CCDC187: variants seen among roughly 807,000 people sequenced by gnomAD.
The protein encoded by CCDC187 is coiled-coil domain containing 187.
Under a neutral mutation model 38.0 loss-of-function variants are expected in CCDC187, and 32 were observed. The ratio of observed to expected loss-of-function variants is 0.84; its 90% CI spans 0.64 to 1.13. The LOEUF is 1.13. Ranked by LOEUF, CCDC187 falls within the 50% of genes most tolerant of loss-of-function variation. The pLI is 0.00. For missense variants in CCDC187, 707 were observed against 786.8 expected (o/e 0.90, Z 1.21); for synonymous variants, 333 against 347.9 (o/e 0.96, Z 0.48).
chr9:136,297,550 C>T (rs1374481670), intron 4 of CCDC187, among the ~76,000 whole-genome samples, 164 bp downstream of exon 4: 1 of 152,114 alleles, frequency 6.6e-6, no homozygotes, highest in East Asian at 1.9e-4. Flanking sequence ...CCCTGACGCT[C>T]CAGCCGGGCC....
chr9:136,278,390 G>A (rs1830974254), intron 10 of CCDC187, among the ~76,000 whole-genome samples: 1 of 152,176 alleles, frequency 6.6e-6, no homozygotes, highest in African/African-American at 2.4e-5. Flanking sequence ...TTGTTCCTGA[G>A]CTCTGAGCTG....
At chr9:136,288,801 C>T (rs996920856) in intron 7 of CCDC187, among the ~76,000 whole-genome samples, 3 of 152,350 alleles carry the variant, frequency 2.0e-5, no homozygotes, top group South Asian at 2.1e-4. Context: ...TAAAAGTAAG[C>T]GCTGTGAGGA....
At chr9:136,297,879 C>A (rs964990530) in intron 3 of CCDC187, 58 bp from the exon 4 acceptor site, 25 of 395,888 alleles carry the variant, frequency 6.3e-5, no homozygotes, top group African/African-American at 4.9e-4. Flanking sequence ...AAGTGACACA[C>A]GGGCCCCCCA....
At chr9:136,288,665 C>A (rs2131294652) in intron 7 of CCDC187, among the ~76,000 whole-genome samples, 1 of 152,344 alleles carries the variant, frequency 6.6e-6, no homozygotes, top group African/African-American at 2.4e-5. Flanking sequence ...AGGCGCAACT[C>A]CCCCAAGCAA....
intron 4 of CCDC187, among the ~76,000 whole-genome samples, chr9:136,292,770 G>A (rs919748288): frequency 1.9e-4 from 29 of 152,328 alleles, no homozygotes; most frequent in Non-Finnish European, 2.9e-4. Flanking sequence ...CTGGCCACGT[G>A]TGCCGAGCCA....
chr9:136,300,539 G>A (rs906117337), intron 2 of CCDC187, among the ~76,000 whole-genome samples: 80 of 152,094 alleles, frequency 5.3e-4, no homozygotes, highest in African/African-American at 1.2e-3. Flanking sequence ...TCAGCCTCCC[G>A]AGTAGTTGGG....
Position 136,267,376 on chromosome 9 carries a change from G to A in CCDC187, c.3647+8C>T. The A allele has an allele frequency of 1.0e-6, 1 of 985,346 alleles. No individual in the cohort carries two copies. Among genetic ancestry groups the A allele is most frequent in the Non-Finnish European group, 1.2e-6 (1 of 830,034 alleles). 61.0% of individuals were successfully genotyped at this position (985,346 alleles called of 1,614,324 possible). ...GGGGCGGGGCCGGCGCCAGGCGCAT[G>A]CGCTCACCCTCGTCGATGCTCCAGC... On this transcript the variant is annotated splice_region_variant and intron_variant, in intron 16 of 25. Transcript: ENST00000638797.
Position 136,262,974 on chromosome 9 carries a change from G to T in CCDC187, c.3913-512C>A, listed in dbSNP as rs143384263. Reference sequence around the variant, plus strand: ...GGAGCCTCCCTCCAAGGATGCAGCTGCTGCTTGGGGTCCCTGAGGGGCTGG... The same window carrying T: ...GGAGCCTCCCTCCAAGGATGCAGCTTCTGCTTGGGGTCCCTGAGGGGCTGG... On this transcript the variant is annotated intron_variant, in intron 18 of 25. Transcript: ENST00000638797. Among the ~76,000 whole-genome samples the T allele has an allele frequency of 6.5e-3, 992 of 152,198 alleles. 15 individuals are homozygous for T. The highest frequency in any genetic ancestry group is 0.022 in the African/African-American group (932 of 41,498).
rs1830635298 is a variant in CCDC187, at chr9:136,258,054, G to A, written c.4366+878C>T. Among the ~76,000 whole-genome samples, 1 of 152,186 alleles carries A rather than the reference G, an allele frequency of 6.6e-6. No individual in the cohort carries two copies. Among genetic ancestry groups the A allele is most frequent in the Non-Finnish European group, 1.5e-5 (1 of 68,032 alleles). On this transcript the variant is annotated intron_variant, in intron 22 of 25. Transcript: ENST00000638797. The surrounding 1 kb of genome is among the most constrained non-coding windows in gnomAD (Gnocchi z 4.3). The stretch of plus-strand genomic sequence containing the variant: ...GGTGACAGCTGGTACACGTGGCCAT[G>A]CGGCGAGGGAGGCTTCAGGCTGAGC...
Position 136,258,428 on chromosome 9 carries a change from G to A in CCDC187, c.4366+504C>T, listed in dbSNP as rs1830640801. Among the ~76,000 whole-genome samples the A allele has an allele frequency of 6.6e-6, 1 of 152,066 alleles. No individual in the cohort carries two copies. The highest frequency in any genetic ancestry group is 1.5e-5 in the Non-Finnish European group (1 of 68,000). On this transcript the variant is annotated intron_variant, in intron 22 of 25. Coordinates refer to ENST00000638797, the MANE Select transcript of CCDC187 (RefSeq NM_001378188.1). This position sits in a 1 kb window ranked among gnomAD's most constrained non-coding sequence, Gnocchi z 4.3. ...AGGGAGCTCCGAGGTGGCATCGCAGGGCACACAACCCCCCACTCTTCAGCC... is the reference window on the plus strand; with the variant it reads ...AGGGAGCTCCGAGGTGGCATCGCAGAGCACACAACCCCCCACTCTTCAGCC...
chr9:136,254,186 G>A lies in CCDC187; in HGVS notation c.5642C>T (p.Ala1881Val). The A allele has an allele frequency of 1.0e-6, 1 of 985,480 alleles. No individual in the cohort carries two copies. Among genetic ancestry groups the A allele is most frequent in the Non-Finnish European group, 1.2e-6 (1 of 829,986 alleles). The allele number at this position is 985,480 out of a possible 1,614,324, so 61.0% of individuals were successfully genotyped here. Residue 1881 changes from alanine to valine, a missense_variant, in exon 26 of 26, where the codon GCC (alanine) becomes GTC (valine). By Grantham distance (64) the Ala-to-Val change is moderately conservative. Coordinates refer to ENST00000638797, the MANE Select transcript of CCDC187 (RefSeq NM_001378188.1). Reference protein sequence around the residue: ...GVVFPLQISSAGDSDSLLVFP... With the variant: ...GVVFPLQISSVGDSDSLLVFP... Reference sequence around the variant, plus strand: ...GACCAGCAGTGAGTCCGAGTCACCGGCAGAAGAGATTTGCAGCGGGAACAC... The same window carrying A: ...GACCAGCAGTGAGTCCGAGTCACCGACAGAAGAGATTTGCAGCGGGAACAC...
rs939762677 is a variant in CCDC187, at chr9:136,278,708, C to T, written c.3041-1981G>A. On this transcript the variant is annotated intron_variant, in intron 10 of 25. Coordinates refer to ENST00000638797, the MANE Select transcript of CCDC187 (RefSeq NM_001378188.1). Reference sequence around the variant, plus strand: ...AAACCAGAATGAGGCTGACAGGACCCTTACCCTCAGTGGGGGCTGTGGAGT... The same window carrying T: ...AAACCAGAATGAGGCTGACAGGACCTTTACCCTCAGTGGGGGCTGTGGAGT... Among the ~76,000 whole-genome samples the T allele has an allele frequency of 1.6e-3, 241 of 152,368 alleles. 2 individuals carry two copies. Among genetic ancestry groups the T allele is most frequent in the African/African-American group, 5.5e-3 (229 of 41,580 alleles).
intron 9 of CCDC187, 73 bp downstream of exon 9, chr9:136,285,440 T>TGGGCAGGTGGGCAGGC (rs1831154287): frequency 5.7e-4 from 18 of 31,492 alleles, no homozygotes; most frequent in Admixed American, 2.0e-3. Flanking sequence ...GGTGGGCAGG[T>TGGGCAGGTGGGCAGGC]GGGCAGGTGG....
In CCDC187 at chr9:136,268,076, G is replaced by A. The variant is rs1830780677; in HGVS notation, c.3492C>T (p.Phe1164=). The change falls in exon 15 of 26, where the codon TTC becomes TTT. Residue 1164 remains phenylalanine (F), a synonymous_variant. Coordinates refer to ENST00000638797, the MANE Select transcript of CCDC187 (RefSeq NM_001378188.1). ...GALSQLPLAK[F]FPPDNPTHQM... is the part of the protein sequence containing the mutation. ...GGTGGGTGGGGTTGTCCGGAGGGAAGAACTTGGCCAGGGGAAGCTGGGAGA... is the reference window on the plus strand; with the variant it reads ...GGTGGGTGGGGTTGTCCGGAGGGAAAAACTTGGCCAGGGGAAGCTGGGAGA... The A allele has an allele frequency of 1.0e-6, 1 of 985,452 alleles. No individual in the cohort carries two copies. Among genetic ancestry groups the A allele is most frequent in the Non-Finnish European group, 1.2e-6 (1 of 830,014 alleles). The allele number at this position is 985,452 out of a possible 1,614,324, so 61.0% of individuals were successfully genotyped here.
intron 4 of CCDC187, among the ~76,000 whole-genome samples, chr9:136,293,353 A>G (rs1221927575): frequency 6.8e-6 from 1 of 147,574 alleles, no homozygotes; most frequent in African/African-American, 2.5e-5. Flanking sequence ...TCACATGCTC[A>G]CACACATTCA....
intron 2 of CCDC187, among the ~76,000 whole-genome samples, chr9:136,301,593 T>TTC (rs1486360383): frequency 2.7e-5 from 4 of 149,334 alleles, no homozygotes; most frequent in African/African-American, 9.9e-5. Context: ...TTACTTTTTT[T>TTC]TTTTTTTTTT....
rs1830537459 is a variant in CCDC187 at position 136,251,641 on chromosome 9, A to C, written c.*1953T>G. ...CCTCTCTTGGCCTTCGCTGATCCCCATGACCCCCTTCCTGGCATAGGCGCT... is the reference window on the plus strand; with the variant it reads ...CCTCTCTTGGCCTTCGCTGATCCCCCTGACCCCCTTCCTGGCATAGGCGCT... On this transcript the variant is annotated 3_prime_UTR_variant, in exon 26 of 26. Transcript: ENST00000638797. 1 of 156,966 alleles carries C rather than the reference A, an allele frequency of 6.4e-6. No homozygotes were observed. Among genetic ancestry groups the C allele is most frequent in the African/African-American group, 2.4e-5 (1 of 41,458 alleles). The allele number at this position is 156,966 out of a possible 1,614,324, so 9.7% of individuals were successfully genotyped here. A position where few individuals can be genotyped will look rare whatever the true frequency, so the allele number is the denominator to read the frequency against.
In CCDC187 at chr9:136,264,099, G is replaced by C. The variant is rs1830712430; in HGVS notation, c.3736-301C>G. 1 of 152,496 alleles carries C rather than the reference G, an allele frequency of 6.6e-6. No individual in the cohort carries two copies. The allele number at this position is 152,496 out of a possible 1,614,324, so 9.4% of individuals were successfully genotyped here. On this transcript the variant is annotated intron_variant, in intron 17 of 25. Coordinates refer to ENST00000638797, the MANE Select transcript of CCDC187 (RefSeq NM_001378188.1). This position sits in a 1 kb window ranked among gnomAD's most constrained non-coding sequence, Gnocchi z 4.3. ...TGGGCCTCGCCCTCCCTCTCTGCAGGCTCCAGGCACTGCCCCCACCCCGTC... is the reference window on the plus strand; with the variant it reads ...TGGGCCTCGCCCTCCCTCTCTGCAGCCTCCAGGCACTGCCCCCACCCCGTC...
intron 10 of CCDC187, among the ~76,000 whole-genome samples, chr9:136,277,499 C>T (rs1830956066): frequency 9.4e-5 from 1 of 10,610 alleles, no homozygotes; most frequent in African/African-American, 3.7e-4. Context: ...TGGGCAGGTG[C>T]TGAGGGGGTG....
Sources: gnomAD v4.1 joint callset for allele counts (sites outside exome capture counted in the v4.1 genomes callset) on GRCh38, gnomAD v4.1.1 for gene constraint, Gnocchi (gnomAD v3.1) non-coding constraint, MANE v1.5 for transcripts, NCBI Gene and HGNC (gene_info 2026-07-23, HGNC 2026-07-21) for gene names.